Variants in TOMM70 observed in about 807,000 individuals in gnomAD.
TOMM70 encodes the protein translocase of outer mitochondrial membrane 70.
In TOMM70, 13 loss-of-function variants were observed where a neutral mutation model predicts 73.6. The ratio of observed to expected loss-of-function variants is 0.18; its 90% CI spans 0.11 to 0.28. The LOEUF (loss-of-function observed/expected upper bound fraction) is 0.28, where lower values mean the gene tolerates loss of function less well. TOMM70 is among the 10% of genes least tolerant of loss of function. The pLI is 1.00. For synonymous variants in TOMM70, 257 were observed against 271.2 expected (o/e 0.95, Z 0.51); for missense variants, 609 against 747.5 (o/e 0.81, Z 2.16).
chr3:100,381,495 T>G, intron 5 of TOMM70, 120 bp downstream of exon 5: 1 of 576,632 alleles, frequency 1.7e-6, no homozygotes, highest in Non-Finnish European at 2.7e-6. Flanking sequence ...TATTTCTGTC[T>G]ATCTCTATCT....
chr3:100,394,941 C>T (rs770457376), intron 1 of TOMM70, among the ~76,000 whole-genome samples: 21 of 152,284 alleles, frequency 1.4e-4, no homozygotes, highest in Admixed American at 3.3e-4. Context: ...TTAAAAATGA[C>T]AACCAACCCC....
At position 100,375,038 on chromosome 3, in the gene TOMM70, C is replaced by G; in HGVS notation, c.1207G>C (p.Val403Leu). The stretch of plus-strand genomic sequence containing the variant: ...CTTACCTGTCCTCGGTGGTGATAAA[C>G]ATCTGCATTCTGAGGATCGATGTCA... ...AADIDPQNAD[V>L]YHHRGQLKIL... The change falls in exon 7 of 12, where the codon GTT (valine) becomes CTT (leucine). Residue 403 changes from valine (V) to leucine (L), a missense_variant. Coordinates refer to ENST00000284320, the MANE Select transcript of TOMM70 (RefSeq NM_014820.5). 2.5e-6 allele frequency: 4 copies of G among 1,608,158 alleles called. No homozygotes were observed. Among genetic ancestry groups the G allele is most frequent in the Non-Finnish European group, 3.4e-6 (4 of 1,177,654 alleles).
rs749172204 is a variant in TOMM70, at chr3:100,386,302, C to T, written c.541G>A (p.Glu181Lys). 1.2e-6 allele frequency: 2 copies of T among 1,613,088 alleles called. No individual in the cohort carries two copies. Among genetic ancestry groups the T allele is most frequent in the South Asian group, 2.2e-5 (2 of 90,958 alleles). ...EVAQDCTKAVELNPKYVKALF... is the reference protein window; with the variant it reads ...EVAQDCTKAVKLNPKYVKALF... ...GCTTTCACATATTTGGGATTAAGTT[C>T]AACAGCTTTTGTACAGTCTTGTGCC... Residue 181 changes from glutamate to lysine, a missense_variant, in exon 3 of 12, where the codon GAA (glutamate) becomes AAA (lysine). Glu to Lys is a moderately conservative substitution (Grantham distance 56, BLOSUM62 1). This residue lies in a region of TOMM70 where 432 missense variants were observed against 584.1 expected (regional missense o/e 0.74). Coordinates refer to ENST00000284320, the MANE Select transcript of TOMM70 (RefSeq NM_014820.5).
intron 5 of TOMM70, 66 bp from the exon 6 acceptor site, chr3:100,377,978 G>A (rs1706583965): frequency 1.4e-6 from 2 of 1,422,588 alleles, no homozygotes; most frequent in African/African-American, 1.4e-5. Flanking sequence ...TGGGTGTGGT[G>A]GCTCACGCCT....
intron 1 of TOMM70, among the ~76,000 whole-genome samples, chr3:100,399,129 A>G (rs1706858700): frequency 6.6e-6 from 1 of 152,114 alleles, no homozygotes; most frequent in African/African-American, 2.4e-5. Flanking sequence ...TAAAAATACA[A>G]AAATTAGCGG....
At chr3:100,370,692 A>G (rs1706499620) in intron 9 of TOMM70, among the ~76,000 whole-genome samples, 1 of 152,214 alleles carries the variant, frequency 6.6e-6, no homozygotes, top group Non-Finnish European at 1.5e-5. Flanking sequence ...ATGCATATAT[A>G]AAGTTACATA....
In TOMM70 at chr3:100,386,231, C is replaced by T; in HGVS notation, c.612G>A (p.Lys204=). 1.2e-6 allele frequency: 2 copies of T among 1,609,082 alleles called. No individual in the cohort carries two copies. The highest frequency in any genetic ancestry group is 3.3e-4 in the Middle Eastern group (2 of 6,024). The change falls in exon 3 of 12, where the codon AAG becomes AAA. Residue 204 remains lysine, a synonymous_variant. Coordinates refer to ENST00000284320, the MANE Select transcript of TOMM70 (RefSeq NM_014820.5). ...AATTACCCTCACCTTCTAAACATTC[C>T]TTCTTATTGTCTAGCTTCTCATGGG... ...AKAHEKLDNK[K]ECLEDVTAVC... is the part of the protein sequence containing the mutation.
Position 100,377,725 on chromosome 3 carries a change from A to G in TOMM70, c.1072T>C (p.Leu358=). ...AKPDLDKVIS[L]KEANVKLRAN... is the part of the protein sequence containing the mutation. ...TGTACCTTCACATTAGCTTCTTTCAAACTGATGACTTTATCTAAATCTGGT... is the reference window on the plus strand; with the variant it reads ...TGTACCTTCACATTAGCTTCTTTCAGACTGATGACTTTATCTAAATCTGGT... Residue 358 remains leucine (L), a synonymous_variant, in exon 6 of 12, where the codon TTG becomes CTG. Transcript: ENST00000284320. 1 of 1,613,228 alleles carries G rather than the reference A, an allele frequency of 6.2e-7. No homozygotes were observed. The highest frequency in any genetic ancestry group is 8.5e-7 in the Non-Finnish European group (1 of 1,179,226).
chr3:100,378,707 T>C (rs968455861), intron 5 of TOMM70, among the ~76,000 whole-genome samples: 4 of 152,126 alleles, frequency 2.6e-5, no homozygotes, highest in Non-Finnish European at 5.9e-5. Flanking sequence ...AGACCTAGAA[T>C]TAATAACTGA....
chr3:100,378,574 T>G (rs528964491), intron 5 of TOMM70, among the ~76,000 whole-genome samples: 1 of 152,334 alleles, frequency 6.6e-6, no homozygotes, highest in South Asian at 2.1e-4. Flanking sequence ...TCCTGTCTTA[T>G]TCACCTTCAT....
chr3:100,397,807 T>C (rs574804388), intron 1 of TOMM70, among the ~76,000 whole-genome samples: 82 of 152,040 alleles, frequency 5.4e-4, no homozygotes, highest in Non-Finnish European at 8.8e-4. Context: ...GACAATCTCT[T>C]GAGCCCAGGA....
At chr3:100,379,343 G>C (rs1706603291) in intron 5 of TOMM70, among the ~76,000 whole-genome samples, 1 of 152,142 alleles carries the variant, frequency 6.6e-6, no homozygotes, top group South Asian at 2.1e-4. Flanking sequence ...GTTACGTCAG[G>C]CCAGACATGG....
Position 100,384,973 on chromosome 3 carries a change from TC to T in TOMM70, c.626-386del, listed in dbSNP as rs1706673913. Among the ~76,000 whole-genome samples, 3 of 152,360 alleles carry T rather than the reference TC, an allele frequency of 2.0e-5. No individual in the cohort carries two copies. In the South Asian group the frequency reaches 6.2e-4, roughly 32 times the overall value. ...GAGTTATTCCCTGTCTCCAAAGCCA[TC>T]TTGCCACAGAGCTCTCAAATAAATC... On this transcript the variant is annotated intron_variant, in intron 3 of 11. Coordinates refer to ENST00000284320, the MANE Select transcript of TOMM70 (RefSeq NM_014820.5).
Position 100,375,268 on chromosome 3 carries a change from G to A in TOMM70, c.1093-116C>T. ...ATATCACAAAGGTCACCCTTTTAAAGTATGCATGTCACCTGTTTTTAGTGT... is the reference window on the plus strand; with the variant it reads ...ATATCACAAAGGTCACCCTTTTAAAATATGCATGTCACCTGTTTTTAGTGT... On this transcript the variant is annotated intron_variant, in intron 6 of 11. Coordinates refer to ENST00000284320, the MANE Select transcript of TOMM70 (RefSeq NM_014820.5). The A allele has an allele frequency of 2.4e-6, 3 of 1,259,734 alleles. No homozygotes were observed. In the South Asian group the frequency reaches 5.4e-5, roughly 23 times the overall value. The allele number at this position is 1,259,734 out of a possible 1,614,324, so 78.0% of individuals were successfully genotyped here.
Position 100,386,353 on chromosome 3 carries a change from G to T in TOMM70, c.499-9C>A. 1.9e-6 allele frequency: 3 copies of T among 1,590,984 alleles called. No individual in the cohort carries two copies. The highest frequency in any genetic ancestry group is 2.6e-6 in the Non-Finnish European group (3 of 1,170,606). Reference sequence around the variant, plus strand: ...ACTTCTTTCCATTTTTGCTGTAATTGAAAGTATTTAAAAAAAGTCACACTA... The same window carrying T: ...ACTTCTTTCCATTTTTGCTGTAATTTAAAGTATTTAAAAAAAGTCACACTA... On this transcript the variant is annotated splice_polypyrimidine_tract_variant and intron_variant, in intron 2 of 11. Coordinates refer to ENST00000284320, the MANE Select transcript of TOMM70 (RefSeq NM_014820.5).
At chr3:100,390,128 A>G (rs1036866525) in intron 1 of TOMM70, among the ~76,000 whole-genome samples, 2 of 152,340 alleles carry the variant, frequency 1.3e-5, no homozygotes, top group Admixed American at 6.5e-5. Context: ...GTTAAAGACA[A>G]ACAGAATCAT....
chr3:100,370,573 C>G (rs1244352519), intron 9 of TOMM70, among the ~76,000 whole-genome samples: 2 of 152,198 alleles, frequency 1.3e-5, no homozygotes, highest in East Asian at 3.8e-4. Context: ...AGACTATGCT[C>G]AAGCTGTAAC....
intron 1 of TOMM70, among the ~76,000 whole-genome samples, chr3:100,387,718 C>T (rs377071224): frequency 8.1e-4 from 123 of 151,876 alleles, no homozygotes; most frequent in African/African-American, 2.9e-3. Flanking sequence ...TTGCTGCAAC[C>T]TCCACCTCCT....
intron 9 of TOMM70, among the ~76,000 whole-genome samples, chr3:100,369,481 TA>T (rs1008888308): frequency 1.3e-5 from 2 of 151,120 alleles, no homozygotes; most frequent in African/African-American, 4.9e-5. Flanking sequence ...TAATTTATCA[TA>T]ATACAGCCCA....
Sources: allele counts gnomAD v4.1 joint callset (sites outside exome capture counted in the v4.1 genomes callset), GRCh38; gene constraint gnomAD v4.1.1; regional missense constraint gnomAD v4.1.1; transcripts MANE v1.5; gene names NCBI Gene and HGNC (gene_info 2026-07-23, HGNC 2026-07-21).